Variants in IFT43 observed in about 807,000 individuals in gnomAD.
The protein encoded by IFT43 is intraflagellar transport 43.
Under a neutral mutation model 32.3 loss-of-function variants are expected in IFT43, and 33 were observed. That is an observed-to-expected ratio of 1.02 (90% CI 0.77 to 1.37). IFT43 has a LOEUF of 1.37. Among genes scored for constraint, IFT43 ranks in the 40% most tolerant of loss-of-function variants. IFT43 has a pLI of 0.00. For synonymous variants in IFT43, 93 were observed against 98.2 expected (o/e 0.95, Z 0.31); for missense variants, 274 against 265.9 (o/e 1.03, Z -0.21).
At chr14:76,045,311 T>C (rs867953761) in intron 3 of IFT43, among the ~76,000 whole-genome samples, 2 of 152,196 alleles carry the variant, frequency 1.3e-5, no homozygotes, top group Non-Finnish European at 2.9e-5. Context: ...TTAGAATTCT[T>C]CTCCTCCTGC....
intron 3 of IFT43, 41 bp downstream of exon 3, chr14:76,022,435 C>T (rs755790348): frequency 9.9e-6 from 12 of 1,216,006 alleles, no homozygotes; most frequent in Non-Finnish European, 1.5e-5. Context: ...TGGGGGTGCA[C>T]ACGGTTGGGG....
intron 5 of IFT43, among the ~76,000 whole-genome samples, chr14:76,060,252 G>C (rs2037104810): frequency 6.6e-6 from 1 of 152,044 alleles, no homozygotes; most frequent in Non-Finnish European, 1.5e-5. Flanking sequence ...GAGTCTCGCT[G>C]TGTCACCCAG....
chr14:76,001,258 C>G (rs1192101696), intron 2 of IFT43, among the ~76,000 whole-genome samples: 1 of 152,150 alleles, frequency 6.6e-6, no homozygotes, highest in Non-Finnish European at 1.5e-5. Context: ...ATTATAGATT[C>G]AAAATCAGGT....
chr14:76,049,523 T>C (rs1346583611), intron 3 of IFT43, among the ~76,000 whole-genome samples: 1 of 151,664 alleles, frequency 6.6e-6, no homozygotes, highest in African/African-American at 2.4e-5. Context: ...AGATGTAGAG[T>C]TTTCTTTTAA....
At chr14:75,990,449 A>G (rs899806783) in intron 2 of IFT43, among the ~76,000 whole-genome samples, 4 of 152,202 alleles carry the variant, frequency 2.6e-5, no homozygotes, top group African/African-American at 9.6e-5. Context: ...TTCTCTCATA[A>G]GATATGAGCA....
rs113628261 is a variant in IFT43 at position 76,016,102 on chromosome 14, A to G, written c.148-6225A>G. Among the ~76,000 whole-genome samples, 29 of 152,266 alleles carry G rather than the reference A, an allele frequency of 1.9e-4. 1 individual carries two copies. The highest frequency in any genetic ancestry group is 6.5e-4 in the African/African-American group (27 of 41,556). On this transcript the variant is annotated intron_variant, in intron 2 of 8. Coordinates refer to ENST00000314067, the MANE Select transcript of IFT43 (RefSeq NM_001102564.3). The stretch of plus-strand genomic sequence containing the variant: ...CTTGTTGGATAAATAGTTTGCAGAT[A>G]TCTTCTCCTATAGTTTATCCTTACA...
intron 3 of IFT43, among the ~76,000 whole-genome samples, chr14:76,035,995 C>G (rs1300504021): frequency 6.6e-6 from 1 of 152,166 alleles, no homozygotes; most frequent in Non-Finnish European, 1.5e-5. Context: ...GAAGATATAC[C>G]TATGGATGTG....
At chr14:76,082,198 A>C in intron 5 of IFT43, 97 bp from the exon 6 acceptor site, 1 of 1,101,714 alleles carries the variant, frequency 9.1e-7, no homozygotes, top group Non-Finnish European at 1.4e-6. Flanking sequence ...CCACAGCCCC[A>C]TGGCTGGTGT....
intron 3 of IFT43, among the ~76,000 whole-genome samples, chr14:76,024,462 T>G (rs2036352156): frequency 6.6e-6 from 1 of 152,208 alleles, no homozygotes; most frequent in Non-Finnish European, 1.5e-5. Context: ...ATTTCAGCAT[T>G]TAACTGGCTA....
At chr14:76,055,367 A>C (rs1333571020) in intron 3 of IFT43, among the ~76,000 whole-genome samples, 1 of 151,948 alleles carries the variant, frequency 6.6e-6, no homozygotes, top group Non-Finnish European at 1.5e-5. Context: ...AAAGTAAATT[A>C]ATAAAAAATA....
chr14:76,073,004 G>A (rs1394611336), intron 5 of IFT43, among the ~76,000 whole-genome samples: 1 of 152,194 alleles, frequency 6.6e-6, no homozygotes, highest in African/African-American at 2.4e-5. Flanking sequence ...TTAGATGGAT[G>A]AGGACCACTG....
At chr14:76,056,429 C>T (rs931980720) in intron 3 of IFT43, among the ~76,000 whole-genome samples, 12 of 152,328 alleles carry the variant, frequency 7.9e-5, no homozygotes, top group Admixed American at 7.2e-4. Flanking sequence ...AACTCATCCC[C>T]CTTTTGGATA....
Position 76,025,890 on chromosome 14 carries a change from C to T in IFT43, c.215+3496C>T, listed in dbSNP as rs141466667. On this transcript the variant is annotated intron_variant, in intron 3 of 8. Transcript: ENST00000314067. ...ATACCATTCTGGACATAGGATTGGG[C>T]AAAGATTTCATGATGAAGACACCAA... Among the ~76,000 whole-genome samples, 30 of 152,162 alleles carry T rather than the reference C, an allele frequency of 2.0e-4. 1 individual carries two copies. In the East Asian group the frequency reaches 5.6e-3, roughly 28 times the overall value.
intron 3 of IFT43, among the ~76,000 whole-genome samples, chr14:76,045,614 G>A (rs1352745078): frequency 1.3e-5 from 2 of 152,186 alleles, no homozygotes; most frequent in African/African-American, 4.8e-5. Context: ...TTCCCTTTCT[G>A]CCCCACCATC....
intron 2 of IFT43, among the ~76,000 whole-genome samples, chr14:76,018,564 A>G (rs2036232477): frequency 6.6e-6 from 1 of 152,142 alleles, no homozygotes; most frequent in African/African-American, 2.4e-5. Flanking sequence ...TGTTAGTTTC[A>G]TTTGGTTTAA....
intron 5 of IFT43, among the ~76,000 whole-genome samples, chr14:76,079,560 C>T (rs1221279659): frequency 6.6e-6 from 1 of 152,166 alleles, no homozygotes; most frequent in Non-Finnish European, 1.5e-5. Context: ...GCTTCTTAAC[C>T]ATGGAGCAAG....
intron 5 of IFT43, among the ~76,000 whole-genome samples, chr14:76,073,770 G>A (rs1428809589): frequency 3.9e-5 from 6 of 152,262 alleles, no homozygotes; most frequent in Non-Finnish European, 2.9e-5. Flanking sequence ...TGCCCAAGGC[G>A]AACTCCTTTG....
chr14:76,030,862 C>G (rs759671774), intron 3 of IFT43, among the ~76,000 whole-genome samples: 2 of 151,760 alleles, frequency 1.3e-5, no homozygotes, highest in African/African-American at 2.4e-5. Flanking sequence ...TTACACCAAT[C>G]AATAGTTAAA....
intron 2 of IFT43, among the ~76,000 whole-genome samples, chr14:76,001,599 T>C (rs2035886723): frequency 1.3e-5 from 2 of 152,262 alleles, no homozygotes; most frequent in Non-Finnish European, 2.9e-5. Context: ...CTGAGCAGGC[T>C]GGATCTTGAC....
Sources: gnomAD v4.1 joint callset for allele counts (sites outside exome capture counted in the v4.1 genomes callset) on GRCh38, gnomAD v4.1.1 for gene constraint, MANE v1.5 for transcripts, NCBI Gene and HGNC (gene_info 2026-07-23, HGNC 2026-07-21) for gene names.